BAZ2B: variants seen among roughly 807,000 people sequenced by gnomAD.
The protein encoded by BAZ2B is bromodomain adjacent to zinc finger domain 2B.
Under a neutral mutation model 246.0 loss-of-function variants are expected in BAZ2B, and 91 were observed. The observed-to-expected ratio is 0.37, with a 90% CI of 0.31 to 0.44. BAZ2B has a LOEUF of 0.44. Among genes scored for constraint, BAZ2B ranks in the 20% least tolerant of loss-of-function variants. The pLI is 1.00. For missense variants in BAZ2B, 2,332 were observed against 2,533.7 expected, an observed-to-expected ratio of 0.92 and a Z score of 1.71; for synonymous variants, 855 against 860.0, an observed-to-expected ratio of 0.99 and a Z score of 0.10.
intron 3 of BAZ2B, among the ~76,000 whole-genome samples, chr2:159,454,462 C>T (rs2075478217): frequency 6.6e-6 from 1 of 152,198 alleles, no homozygotes; most frequent in Admixed American, 6.5e-5. Context: ...TGCTACTAGG[C>T]TACAAACCTG....
chr2:159,582,315 T>C (rs1320666520), intron 1 of BAZ2B, among the ~76,000 whole-genome samples: 3 of 152,240 alleles, frequency 2.0e-5, no homozygotes, highest in African/African-American at 7.2e-5. Context: ...TATATTTACT[T>C]TATGAATGGA....
the BAZ2B span, among the ~76,000 whole-genome samples, chr2:159,679,334 C>G: frequency 6.8e-6 from 1 of 147,396 alleles, no homozygotes; most frequent in African/African-American, 2.5e-5. Context: ...ATTTCTGACT[C>G]TGTTAAAGGT....
the BAZ2B span, among the ~76,000 whole-genome samples, chr2:159,702,387 A>G: frequency 6.6e-6 from 1 of 152,200 alleles, no homozygotes; most frequent in African/African-American, 2.4e-5. Flanking sequence ...ATTTAACTTA[A>G]AAACTCTTTG....
intron 1 of BAZ2B, among the ~76,000 whole-genome samples, chr2:159,600,416 A>G (rs1691864129): frequency 6.6e-6 from 1 of 152,198 alleles, no homozygotes; most frequent in South Asian, 2.1e-4. Context: ...AATTAAAATA[A>G]TAATATTCCC....
At chr2:159,440,364 T>C (rs1051912033) in intron 6 of BAZ2B, among the ~76,000 whole-genome samples, 14 of 152,076 alleles carry the variant, frequency 9.2e-5, no homozygotes, top group African/African-American at 3.4e-4. Flanking sequence ...AATACAGTAA[T>C]ATATCTCCAC....
chr2:159,609,170 A>T (rs1227527183), intron 1 of BAZ2B, among the ~76,000 whole-genome samples: 1 of 152,224 alleles, frequency 6.6e-6, no homozygotes, highest in Non-Finnish European at 1.5e-5. Context: ...TACTGACAAC[A>T]TGCAGGAAAC....
rs919385173 is a variant in BAZ2B at position 159,542,792 on chromosome 2, C to T, written c.-3+13031G>A. Among the ~76,000 whole-genome samples, 10 of 151,942 alleles carry T rather than the reference C, an allele frequency of 6.6e-5. No homozygotes were observed. The Middle Eastern group carries it at 0.01, about 155-fold the overall frequency. On this transcript the variant is annotated intron_variant, in intron 2 of 36. Coordinates refer to ENST00000392783, the MANE Select transcript of BAZ2B (RefSeq NM_013450.4). The stretch of plus-strand genomic sequence containing the variant: ...ATTAACCAAGAATTCTATAATATAT[C>T]CAGCAAAACTATATTTTGAAAATAA...
the BAZ2B span, among the ~76,000 whole-genome samples, chr2:159,624,396 G>C: frequency 6.6e-6 from 1 of 152,206 alleles, no homozygotes; most frequent in African/African-American, 2.4e-5. Context: ...CCTCCTGATG[G>C]GGAGACACCT....
intron 11 of BAZ2B, 80 bp downstream of exon 11, chr2:159,429,120 G>A (rs1576927090): frequency 4.3e-6 from 4 of 938,802 alleles, no homozygotes; most frequent in South Asian, 5.3e-5. Context: ...ATTAATTGTA[G>A]AGAATGAGAA....
At chr2:159,530,985 A>G (rs568067744) in intron 2 of BAZ2B, among the ~76,000 whole-genome samples, 1 of 152,134 alleles carries the variant, frequency 6.6e-6, no homozygotes, top group East Asian at 1.9e-4. Flanking sequence ...AAACAAACAA[A>G]CAAAAAGCAA....
the BAZ2B span, among the ~76,000 whole-genome samples, chr2:159,661,986 G>A: frequency 6.6e-6 from 1 of 152,104 alleles, no homozygotes; most frequent in Non-Finnish European, 1.5e-5. Context: ...ATGCCCATGA[G>A]ACAGGTATTC....
intron 1 of BAZ2B, among the ~76,000 whole-genome samples, chr2:159,560,434 T>C (rs1020349209): frequency 2.6e-5 from 4 of 152,228 alleles, no homozygotes; most frequent in Non-Finnish European, 5.9e-5. Context: ...TCACAAATCA[T>C]GTGCTATTTG....
chr2:159,459,743 A>G (rs551383832), intron 3 of BAZ2B: 2 of 152,196 alleles, frequency 1.3e-5, no homozygotes, highest in South Asian at 2.1e-4. Flanking sequence ...TATTAACCTT[A>G]TAAGTACAAA....
intron 1 of BAZ2B, among the ~76,000 whole-genome samples, chr2:159,589,938 G>A (rs1688912617): frequency 6.6e-6 from 1 of 152,060 alleles, no homozygotes; most frequent in Non-Finnish European, 1.5e-5. Context: ...TGTGATCCCA[G>A]CACTTTGGCA....
intron 2 of BAZ2B, among the ~76,000 whole-genome samples, chr2:159,554,054 C>T (rs1206086149): frequency 6.6e-6 from 1 of 152,184 alleles, no homozygotes; most frequent in Non-Finnish European, 1.5e-5. Context: ...ACAACAGTGT[C>T]ATAACAAACT....
chr2:159,460,586 G>T (rs1288515861), intron 3 of BAZ2B: 1 of 152,048 alleles, frequency 6.6e-6, no homozygotes, highest in Non-Finnish European at 1.5e-5. Flanking sequence ...TGTACATCTT[G>T]CAAAGTATGG....
intron 13 of BAZ2B, among the ~76,000 whole-genome samples, chr2:159,414,447 G>C (rs1419439079): frequency 6.6e-6 from 1 of 152,156 alleles, no homozygotes; most frequent in Non-Finnish European, 1.5e-5. Context: ...GTAACACAAA[G>C]AAAGGATAAA....
chr2:159,461,279 C>T (rs1340067607), intron 3 of BAZ2B: 1 of 152,408 alleles, frequency 6.6e-6, no homozygotes, highest in Non-Finnish European at 1.5e-5. Context: ...ATCTATGTCA[C>T]CTGTGTATTC....
chr2:159,630,354 T>C, the BAZ2B span, among the ~76,000 whole-genome samples: 1 of 151,976 alleles, frequency 6.6e-6, no homozygotes, highest in African/African-American at 2.4e-5. Context: ...TACAATCCCA[T>C]AAAAGTGAAA....
Sources: gnomAD v4.1 joint callset for allele counts (sites outside exome capture counted in the v4.1 genomes callset) on GRCh38, gnomAD v4.1.1 for gene constraint, MANE v1.5 for transcripts, NCBI Gene and HGNC (gene_info 2026-07-23, HGNC 2026-07-21) for gene names.